The following STAB1 variants were observed in gnomAD, a reference collection of about 807,000 sequenced individuals.
STAB1 encodes the protein stabilin-1.
STAB1 carries 250 observed loss-of-function variants against 332.4 expected under a neutral mutation model. The ratio of observed to expected loss-of-function variants is 0.75; its 90% CI spans 0.68 to 0.84. The LOEUF is 0.84. STAB1 is among the 40% of genes least tolerant of loss of function. The probability of loss-of-function intolerance (pLI) is 0.00; values close to 1 mark genes in which losing one functional copy is unlikely to be tolerated. For missense variants in STAB1, 3,249 were observed against 3,489.7 expected, an observed-to-expected ratio of 0.93 and a Z score of 1.74; for synonymous variants, 1,475 against 1,390.4, an observed-to-expected ratio of 1.06 and a Z score of -1.35.
chr3:52,518,304 C>G lies in STAB1; in HGVS notation c.4762-8C>G, dbSNP rs752042855. 19 of 1,612,558 alleles carry G rather than the reference C, an allele frequency of 1.2e-5. No homozygotes were observed. The East Asian group carries it at 1.6e-4, about 13-fold the overall frequency. ...GCCCCAAATCTGAGCTGACCCTCGC[C>G]CCCCCAGGAGCTCCTGAGGGATAAG... is the stretch of plus-strand genomic sequence containing the variant. On this transcript the variant is annotated splice_polypyrimidine_tract_variant and splice_region_variant and intron_variant, in intron 45 of 68. Coordinates refer to ENST00000321725, the MANE Select transcript of STAB1 (RefSeq NM_015136.3).
At chr3:52,502,955 C>T (rs1230210363) in intron 6 of STAB1, 44 bp from the exon 7 acceptor site, 1 of 1,477,172 alleles carries the variant, frequency 6.8e-7, no homozygotes, top group Non-Finnish European at 9.0e-7. Context: ...TGTTCCTCCC[C>T]AGCCTGGGCT....
Position 52,513,213 on chromosome 3 carries a change from C to T in STAB1, c.3242C>T (p.Thr1081Ile). ...GAAGTGGCCACCCTGAACCCCACCA[C>T]ACGCTGGGAGATTCGCAACATTAGT... Reference protein sequence around the residue: ...GQEVATLNPTTRWEIRNISGR... With the variant: ...GQEVATLNPTIRWEIRNISGR... The change falls in exon 30 of 69, where the codon ACA (threonine) becomes ATA (isoleucine). Residue 1081 changes from threonine (T) to isoleucine (I), a missense_variant. By Grantham distance (89) the Thr-to-Ile change is moderately conservative. Coordinates refer to ENST00000321725, the MANE Select transcript of STAB1 (RefSeq NM_015136.3). 6.3e-7 allele frequency: 1 copy of T among 1,584,468 alleles called. No homozygotes were observed. The highest frequency in any genetic ancestry group is 1.2e-5 in the South Asian group (1 of 86,558).
In STAB1 at chr3:52,508,275, A is replaced by T. The variant is rs147036048; in HGVS notation, c.2151A>T (p.Glu717Asp). The part of the protein sequence containing the change: ...CASYCNQTIM[E>D]QGCCKGFFGP... ...TGGACCTGTTCTGTCTCTTATAGGA[A>T]CAAGGCTGCTGCAAAGGTTTTTTCG... The change falls in exon 21 of 69, where the codon GAA becomes GAT. Residue 717 changes from glutamate (E) to aspartate (D), a missense_variant and splice_region_variant. Physicochemically the swap from Glu to Asp is conservative, Grantham distance 45. Transcript: ENST00000321725. The T allele has an allele frequency of 3.2e-5, 52 of 1,612,592 alleles. No homozygotes were observed. In the Middle Eastern group the frequency reaches 5.0e-4, roughly 15 times the overall value.
In STAB1 at chr3:52,518,302, G is replaced by C; in HGVS notation, c.4762-10G>C. 1 of 1,612,228 alleles carries C rather than the reference G, an allele frequency of 6.2e-7. No homozygotes were observed. Among genetic ancestry groups the C allele is most frequent in the Admixed American group, 1.7e-5 (1 of 59,982 alleles). On this transcript the variant is annotated splice_polypyrimidine_tract_variant and intron_variant, in intron 45 of 68. Transcript: ENST00000321725. ...CCGCCCCAAATCTGAGCTGACCCTC[G>C]CCCCCCCAGGAGCTCCTGAGGGATA...
Position 52,514,695 on chromosome 3 carries a change from C to A in STAB1, c.3679-6C>A. 9.3e-6 allele frequency: 15 copies of A among 1,613,010 alleles called. No homozygotes were observed. The highest frequency in any genetic ancestry group is 1.3e-5 in the African/African-American group (1 of 75,052). On this transcript the variant is annotated splice_region_variant and splice_polypyrimidine_tract_variant and intron_variant, in intron 34 of 68. Coordinates refer to ENST00000321725, the MANE Select transcript of STAB1 (RefSeq NM_015136.3). ...GGGTGGATTCAGCCTCCATCCCTCTCCCCAGCCTGAGGTGAACCATGTGCC... is the reference window on the plus strand; with the variant it reads ...GGGTGGATTCAGCCTCCATCCCTCTACCCAGCCTGAGGTGAACCATGTGCC...
chr3:52,505,815 G>T (rs1451330977), intron 15 of STAB1, 34 bp downstream of exon 15: 2 of 1,613,752 alleles, frequency 1.2e-6, no homozygotes, highest in Middle Eastern at 3.3e-4. Flanking sequence ...TGCGGGTATG[G>T]GGGCACCAGG....
At chr3:52,522,278 A>G in intron 59 of STAB1, 48 bp downstream of exon 59, 2 of 1,611,270 alleles carry the variant, frequency 1.2e-6, no homozygotes, top group Non-Finnish European at 8.5e-7. Context: ...GGCCTGGCAG[A>G]ACTTCCGACC....
chr3:52,515,066 G>C lies in STAB1; in HGVS notation c.3864+21G>C, dbSNP rs753012208. The C allele has an allele frequency of 5.0e-6, 8 of 1,612,626 alleles. No individual in the cohort carries two copies. The Admixed American group carries it at 1.2e-4, about 24-fold the overall frequency. On this transcript the variant is annotated intron_variant, in intron 36 of 68. Coordinates refer to ENST00000321725, the MANE Select transcript of STAB1 (RefSeq NM_015136.3). ...TGCAGGTGAGACTGGGCTTAGCGCA[G>C]CTCTGTCCCTGTGTTGCCTGCCCTC...
intron 28 of STAB1, 56 bp downstream of exon 28, chr3:52,512,699 A>G: frequency 6.2e-7 from 1 of 1,612,880 alleles, no homozygotes; most frequent in African/African-American, 1.3e-5. Flanking sequence ...GCCTGCCTGG[A>G]TGGAGGGGTG....
At chr3:52,513,853 A>G (rs760580819) in intron 31 of STAB1, 30 bp from the exon 32 acceptor site, 2 of 1,612,560 alleles carry the variant, frequency 1.2e-6, no homozygotes, top group South Asian at 2.2e-5. Context: ...AAGCAATGAC[A>G]TACTGACCAG....
Position 52,524,315 on chromosome 3 carries a change from G to A in STAB1, c.7672G>A (p.Glu2558Lys). 6.2e-7 allele frequency: 1 copy of A among 1,613,920 alleles called. No individual in the cohort carries two copies. Among genetic ancestry groups the A allele is most frequent in the South Asian group, 1.1e-5 (1 of 91,084 alleles). ...CEPFDDSLLE[E>K]DFPDTQRILT... ...GCTCTTCTAGGACTCACTGCTGGAG[G>A]AGGACTTCCCTGACACCCAGAGGAT... is the stretch of plus-strand genomic sequence containing the variant. Residue 2558 changes from glutamate (E) to lysine (K), a missense_variant, in exon 69 of 69, where the codon GAG becomes AAG. Transcript: ENST00000321725.
At position 52,523,975 on chromosome 3, in the gene STAB1, T is replaced by C; in HGVS notation, c.7500T>C (p.Arg2500=). 1 of 1,611,922 alleles carries C rather than the reference T, an allele frequency of 6.2e-7. No individual in the cohort carries two copies. The highest frequency in any genetic ancestry group is 1.1e-5 in the South Asian group (1 of 91,050). ...LGLVAGALYL[R]ARGKPMGFGF... is the part of the protein sequence containing the mutation. ...TGGTGGCCGGAGCTCTCTACCTCCG[T>C]GCCCGAGGCAAGCCCATGGGCTTTG... Residue 2500 remains arginine (R), a synonymous_variant, in exon 67 of 69, where the codon CGT becomes CGC. Transcript: ENST00000321725.
At chr3:52,504,614 G>T in intron 11 of STAB1, 65 bp downstream of exon 11, 1 of 1,612,364 alleles carries the variant, frequency 6.2e-7, no homozygotes, top group East Asian at 2.2e-5. Flanking sequence ...TGCATCCCCA[G>T]TCTTCAGGGC....
rs368126062 is a variant in STAB1, at chr3:52,504,163, A to G, written c.1150+8A>G. On this transcript the variant is annotated splice_region_variant and intron_variant, in intron 10 of 68. Coordinates refer to ENST00000321725, the MANE Select transcript of STAB1 (RefSeq NM_015136.3). ...TCGCCGTGGCCATGATGGGTGCGTG[A>G]CCCCACTGCTTGCCCACGACCCGAC... 4 of 1,583,184 alleles carry G rather than the reference A, an allele frequency of 2.5e-6. No individual in the cohort carries two copies. Among genetic ancestry groups the G allele is most frequent in the African/African-American group, 2.7e-5 (2 of 74,346 alleles).
chr3:52,521,588 C>T lies in STAB1; in HGVS notation c.6059-8C>T. 6.2e-7 allele frequency: 1 copy of T among 1,612,866 alleles called. No individual in the cohort carries two copies. The highest frequency in any genetic ancestry group is 8.5e-7 in the Non-Finnish European group (1 of 1,179,752). ...AATCTTTATCTTCCTGCCTGTCCCT[C>T]TCCCCAGCCTGCCGCTGCACTGTGC... is the stretch of plus-strand genomic sequence containing the variant. On this transcript the variant is annotated splice_polypyrimidine_tract_variant and splice_region_variant and intron_variant, in intron 56 of 68. Transcript: ENST00000321725.
In STAB1 at chr3:52,518,740, T is replaced by G. The variant is rs748588894; in HGVS notation, c.4905T>G (p.Ile1635Met). 3 of 1,612,424 alleles carry G rather than the reference T, an allele frequency of 1.9e-6. No individual in the cohort carries two copies. The African/African-American group carries it at 4.0e-5, about 22-fold the overall frequency. The change falls in exon 48 of 69, where the codon ATT (isoleucine) becomes ATG (methionine). Residue 1635 changes from isoleucine (I) to methionine (M), a missense_variant. Transcript: ENST00000321725. ...TGCTCCAGGATGAGCTGGCCCGGAT[T>G]CGTGCGCATCGCCAGCTGGTGTTTC... The part of the protein sequence containing the change: ...SNLSQDELAR[I>M]RAHRQLVFRY...
At chr3:52,500,582 G>A (rs767618900) in intron 1 of STAB1, among the ~76,000 whole-genome samples, 17 of 152,258 alleles carry the variant, frequency 1.1e-4, no homozygotes, top group Non-Finnish European at 1.6e-4. Context: ...GGTGGCTGGA[G>A]GTCCAGCCCC....
In STAB1 at chr3:52,510,029, G is replaced by A. The variant is rs748699920; in HGVS notation, c.2507G>A (p.Arg836His). The change falls in exon 23 of 69, where the codon CGC becomes CAC. Residue 836 changes from arginine (R) to histidine (H), a missense_variant. Physicochemically the swap from Arg to His is conservative, Grantham distance 29. Transcript: ENST00000321725. ...GLAQHCHLHA[R>H]CVSQEGVARC... ...GCCCAGCACTGCCACCTGCATGCCC[G>A]CTGTGTTAGCCAGGAGGGTGTTGCC... 3.7e-6 allele frequency: 6 copies of A among 1,607,692 alleles called. No homozygotes were observed. In the African/African-American group the frequency reaches 4.0e-5, roughly 11 times the overall value.
rs1172549409 is a variant in STAB1, at chr3:52,502,666, G to T, written c.522G>T (p.Gly174=). The T allele has an allele frequency of 2.5e-6, 4 of 1,613,816 alleles. No homozygotes were observed. The highest frequency in any genetic ancestry group is 3.4e-6 in the Non-Finnish European group (4 of 1,179,910). ...GTGTGCACGGAGTGTGCAACCATGG[G>T]CCACGTGGGGATGGAAGCTGCCTGT... The part of the protein sequence containing the change: ...CSCVHGVCNH[G]PRGDGSCLCF... The change falls in exon 6 of 69, where the codon GGG becomes GGT. Residue 174 remains glycine, a synonymous_variant. Coordinates refer to ENST00000321725, the MANE Select transcript of STAB1 (RefSeq NM_015136.3).
Sources: gnomAD v4.1 joint callset for allele counts (sites outside exome capture counted in the v4.1 genomes callset) on GRCh38, gnomAD v4.1.1 for gene constraint, MANE v1.5 for transcripts, NCBI Gene and HGNC (gene_info 2026-07-23, HGNC 2026-07-21) for gene names.